Variants in ABCD3 observed in about 807,000 individuals in gnomAD.
The protein encoded by ABCD3 is ATP-binding cassette sub-family D member 3.
ABCD3 carries 41 observed loss-of-function variants against 105.5 expected under a neutral mutation model. The observed-to-expected ratio is 0.39, with a 90% confidence interval of 0.30 to 0.50. The LOEUF is 0.50. Among genes scored for constraint, ABCD3 ranks in the 20% least tolerant of loss-of-function variants. ABCD3 has a pLI of 0.84. For missense variants in ABCD3, 622 were observed against 806.3 expected (o/e 0.77, Z 2.77); for synonymous variants, 258 against 269.0 (o/e 0.96, Z 0.40).
upstream of ABCD3, among the ~76,000 whole-genome samples, chr1:94,416,940 A>G (rs779247892): frequency 3.7e-4 from 57 of 152,200 alleles, 1 homozygote; most frequent in Non-Finnish European, 1.8e-4. Flanking sequence ...TTTTTGTCCA[A>G]TCACATTTCT....
chr1:94,491,026 C>A (rs1649510038), intron 15 of ABCD3, among the ~76,000 whole-genome samples, 158 bp from the exon 16 acceptor site: 1 of 152,032 alleles, frequency 6.6e-6, no homozygotes, highest in Admixed American at 6.6e-5. Flanking sequence ...TGTTGAGCAC[C>A]TTTTCGTATG....
At chr1:94,448,745 C>A (rs1660455635) in intron 1 of ABCD3, among the ~76,000 whole-genome samples, 1 of 152,134 alleles carries the variant, frequency 6.6e-6, no homozygotes. Flanking sequence ...ATGCCCCAGG[C>A]TATACTAGCC....
intron 3 of ABCD3, among the ~76,000 whole-genome samples, chr1:94,466,561 C>T (rs1053055600): frequency 6.6e-6 from 1 of 152,152 alleles, no homozygotes; most frequent in Non-Finnish European, 1.5e-5. Context: ...CATTTGTTTA[C>T]AACATCATGT....
At chr1:94,494,432 T>A (rs1485581002) in intron 16 of ABCD3, among the ~76,000 whole-genome samples, 1 of 152,236 alleles carries the variant, frequency 6.6e-6, no homozygotes, top group Non-Finnish European at 1.5e-5. Flanking sequence ...TATTCTAAAG[T>A]AGACCTGGGT....
chr1:94,450,096 A>G (rs1257061079), intron 1 of ABCD3, among the ~76,000 whole-genome samples: 4 of 152,242 alleles, frequency 2.6e-5, no homozygotes, highest in Non-Finnish European at 5.9e-5. Flanking sequence ...TGCTTGAAGG[A>G]GCTGCAGACA....
intron 10 of ABCD3, among the ~76,000 whole-genome samples, chr1:94,485,352 A>G (rs1290129365): frequency 6.6e-6 from 1 of 152,190 alleles, no homozygotes; most frequent in East Asian, 1.9e-4. Context: ...TTTTAGTGGA[A>G]GTCTGAAGTT....
intron 4 of ABCD3, among the ~76,000 whole-genome samples, chr1:94,472,896 A>G (rs1557677544): frequency 6.6e-6 from 1 of 152,212 alleles, no homozygotes; most frequent in Non-Finnish European, 1.5e-5. Flanking sequence ...AATACATACT[A>G]TCTTTGTATT....
chr1:94,499,376 G>A (rs1018618629), intron 19 of ABCD3, 119 bp from the exon 20 acceptor site: 220 of 1,171,704 alleles, frequency 1.9e-4, no homozygotes, highest in Non-Finnish European at 2.6e-4. Flanking sequence ...TTTCTGAAAT[G>A]TATCTTTTAA....
the ABCD3 span, among the ~76,000 whole-genome samples, chr1:94,397,193 A>C: frequency 1.3e-5 from 2 of 152,242 alleles, no homozygotes; most frequent in African/African-American, 2.4e-5. Context: ...CCTTTCATCC[A>C]GCTTCCCCTA....
chr1:94,489,302 A>G (rs1030029002), intron 13 of ABCD3, among the ~76,000 whole-genome samples: 1 of 152,098 alleles, frequency 6.6e-6, no homozygotes, highest in African/African-American at 2.4e-5. Context: ...TTCGGCATAC[A>G]TTTAATAAAT....
At chr1:94,471,176 A>G (rs1291689218) in intron 4 of ABCD3, among the ~76,000 whole-genome samples, 1 of 152,216 alleles carries the variant, frequency 6.6e-6, no homozygotes, top group Non-Finnish European at 1.5e-5. Context: ...AAATTTTAAA[A>G]AATTGTTTTT....
rs1650198530 is a variant in ABCD3, at chr1:94,503,436, T to C, written c.1741-3102T>C. The stretch of plus-strand genomic sequence containing the variant: ...ATCCTTCTTGAGAAAGGCAAATACT[T>C]CCATCTATGTTTATGGAGCCTCTGT... On this transcript the variant is annotated intron_variant, in intron 20 of 22. Coordinates refer to ENST00000370214, the MANE Select transcript of ABCD3 (RefSeq NM_002858.4). 2.0e-5 allele frequency among the ~76,000 whole-genome samples: 3 copies of C among 152,120 alleles called. No individual in the cohort carries two copies. The South Asian group carries it at 6.2e-4, about 32-fold the overall frequency.
chr1:94,427,915 T>G (rs1659528699), intron 1 of ABCD3, among the ~76,000 whole-genome samples: 1 of 152,214 alleles, frequency 6.6e-6, no homozygotes, highest in Non-Finnish European at 1.5e-5. Flanking sequence ...GTAAGTCACT[T>G]TTGTTTTAGG....
At chr1:94,466,054 A>G (rs1648116769) in intron 3 of ABCD3, among the ~76,000 whole-genome samples, 1 of 152,138 alleles carries the variant, frequency 6.6e-6, no homozygotes, top group Non-Finnish European at 1.5e-5. Flanking sequence ...TGCCCTTGAG[A>G]AATTCTTTTT....
In ABCD3 at chr1:94,481,432, A is replaced by C. The variant is rs976066401; in HGVS notation, c.827+826A>C. ...AGGGAGGCAGCGGAATAGAGTTAAG[A>C]GGTGATTTGCCAAGTAAATGAAAGA... On this transcript the variant is annotated intron_variant, in intron 9 of 22. Transcript: ENST00000370214. The C allele has an allele frequency of 2.0e-5, 3 of 152,262 alleles. No individual in the cohort carries two copies. The South Asian group carries it at 6.2e-4, about 32-fold the overall frequency. The allele number at this position is 152,262 out of a possible 1,614,324, so 9.4% of individuals were successfully genotyped here. A position where few individuals can be genotyped will look rare whatever the true frequency, so the allele number is the denominator to read the frequency against.
intron 1 of ABCD3, 42 bp downstream of exon 1, chr1:94,418,630 G>T: frequency 6.5e-7 from 1 of 1,548,430 alleles, no homozygotes; most frequent in East Asian, 2.4e-5. Flanking sequence ...GGGCTGGAGC[G>T]GGCGCTCCCC....
At chr1:94,483,607 T>C in intron 10 of ABCD3, among the ~76,000 whole-genome samples, 1 of 152,176 alleles carries the variant, frequency 6.6e-6, no homozygotes. Flanking sequence ...AAGCTGAAAC[T>C]GGATCCCTTC....
intron 2 of ABCD3, among the ~76,000 whole-genome samples, chr1:94,460,291 A>T (rs143861488): frequency 6.6e-6 from 1 of 152,178 alleles, no homozygotes; most frequent in Non-Finnish European, 1.5e-5. Flanking sequence ...TAGAAGAATT[A>T]TCTACAAATT....
chr1:94,408,895 C>T, the ABCD3 span, among the ~76,000 whole-genome samples: 1 of 152,148 alleles, frequency 6.6e-6, no homozygotes, highest in Admixed American at 6.6e-5. Flanking sequence ...ACAAGGCTTC[C>T]TCCTATGTTA....
Sources: allele counts gnomAD v4.1 joint callset (sites outside exome capture counted in the v4.1 genomes callset), GRCh38; gene constraint gnomAD v4.1.1; transcripts MANE v1.5; gene names NCBI Gene and HGNC (gene_info 2026-07-23, HGNC 2026-07-21).